The following FKBP2 variants were observed in gnomAD, a reference collection of about 807,000 sequenced individuals.
FKBP2 encodes the protein FKBP prolyl isomerase 2, also known as peptidyl-prolyl cis-trans isomerase FKBP2.
FKBP2 carries 15 observed loss-of-function variants against 19.4 expected under a neutral mutation model. The ratio of observed to expected loss-of-function variants is 0.77; its 90% CI spans 0.52 to 1.19. The LOEUF is 1.19. Among genes scored for constraint, FKBP2 ranks in the 50% most tolerant of loss-of-function variants. The probability of loss-of-function intolerance (pLI) is 0.00; values close to 1 mark genes in which losing one functional copy is unlikely to be tolerated. For missense variants in FKBP2, 170 were observed against 179.0 expected (o/e 0.95, Z 0.29); for synonymous variants, 76 against 74.8 (o/e 1.02, Z -0.08).
intron 1 of FKBP2, among the ~76,000 whole-genome samples, chr11:64,241,428 A>T (rs1199319456): frequency 1.4e-5 from 2 of 146,972 alleles, no homozygotes; most frequent in Non-Finnish European, 3.0e-5. Flanking sequence ...GGGTCGGGGG[A>T]CGGAGCCTGG....
At chr11:64,243,595 T>C in intron 4 of FKBP2, 98 bp downstream of exon 4, 1 of 1,449,916 alleles carries the variant, frequency 6.9e-7, no homozygotes, top group African/African-American at 1.4e-5. Context: ...ACCGTATCCA[T>C]TCATTACAAT....
At position 64,243,237 on chromosome 11, in the gene FKBP2, G is replaced by A; in HGVS notation, c.210G>A (p.Leu70=). 12 of 1,613,694 alleles carry A rather than the reference G, an allele frequency of 7.4e-6. No individual in the cohort carries two copies. Among genetic ancestry groups the A allele is most frequent in the Non-Finnish European group, 1.0e-5 (12 of 1,179,934 alleles). The part of the protein sequence containing the change: ...LEDGTEFDSS[L]PQNQPFVFSL... ...ATGGGACAGAGTTTGACAGCAGCCT[G>A]CCCCAGAACCAGCCCTTTGTCTTCT... The change falls in exon 3 of 6, where the codon CTG becomes CTA. Residue 70 remains leucine (L), a synonymous_variant. Coordinates refer to ENST00000309366, the MANE Select transcript of FKBP2 (RefSeq NM_004470.4).
rs654573 is a variant in FKBP2 at position 64,243,969 on chromosome 11, T to C, written c.369T>C (p.Gly123=). 1 allele frequency: 1,608,672 copies of C among 1,614,016 alleles called. 801,818 individuals are homozygous for C. Among genetic ancestry groups the C allele is most frequent in the Non-Finnish European group, 1 (1,179,966 of 1,180,006 alleles). ...TTTGACTCCCCTTCTCCCCTACAGG[T>C]GGTGCAACCCTGGTGTTCGAGGTGG... The part of the protein sequence containing the change: ...GERGAPPKIP[G]GATLVFEVEL... Residue 123 remains glycine, a splice_region_variant and synonymous_variant, in exon 6 of 6, where the codon GGT becomes GGC. Transcript: ENST00000309366.
intron 3 of FKBP2, 34 bp downstream of exon 3, chr11:64,243,345 GC>G: frequency 1.3e-6 from 2 of 1,598,498 alleles, no homozygotes; most frequent in Non-Finnish European, 1.7e-6. Flanking sequence ...GGGAGTGGGG[GC>G]GTGCATGGCC....
Position 64,243,440 on chromosome 11 carries a change from T to A in FKBP2, c.285-11T>A. 2 of 1,614,022 alleles carry A rather than the reference T, an allele frequency of 1.2e-6. No individual in the cohort carries two copies. Among genetic ancestry groups the A allele is most frequent in the South Asian group, 1.1e-5 (1 of 91,074 alleles). On this transcript the variant is annotated splice_polypyrimidine_tract_variant and intron_variant, in intron 3 of 5. Transcript: ENST00000309366. ...GGTGCTGCCATGGGCTGAGCATGTG[T>A]CTTCCTGCAGGATGTGTGAGGGGGA...
intron 4 of FKBP2, 26 bp from the exon 5 acceptor site, chr11:64,243,815 A>G (rs765171369): frequency 6.2e-7 from 1 of 1,613,796 alleles, no homozygotes; most frequent in South Asian, 1.1e-5. Context: ...GCCATCACTG[A>G]CTGTTTCTTT....
chr11:64,242,363 G>A (rs756495036), intron 1 of FKBP2, 21 bp from the exon 2 acceptor site: 8 of 1,477,010 alleles, frequency 5.4e-6, no homozygotes, highest in Non-Finnish European at 7.2e-6. Context: ...TCAGTCGGTC[G>A]GTCGGGGTCT....
Position 64,243,517 on chromosome 11 carries a change from G to A in FKBP2, c.331+20G>A, listed in dbSNP as rs966547682. ...AGCTAGGTAAGAGGCCCCTCCTGAG[G>A]GTGCAGAGCGAGTTTGGGGTGTGTG... On this transcript the variant is annotated intron_variant, in intron 4 of 5. Coordinates refer to ENST00000309366, the MANE Select transcript of FKBP2 (RefSeq NM_004470.4). 3 of 1,613,038 alleles carry A rather than the reference G, an allele frequency of 1.9e-6. No individual in the cohort carries two copies. Among genetic ancestry groups the A allele is most frequent in the Non-Finnish European group, 2.5e-6 (3 of 1,180,004 alleles).
chr11:64,243,649 G>A, intron 4 of FKBP2, 152 bp downstream of exon 4: 3 of 1,193,192 alleles, frequency 2.5e-6, no homozygotes, highest in Non-Finnish European at 3.7e-6. Context: ...GTGAGTACAG[G>A]GCAAGATCAT....
intron 1 of FKBP2, chr11:64,241,653 C>T (rs1378647141): frequency 3.3e-5 from 5 of 152,568 alleles, no homozygotes; most frequent in Admixed American, 3.3e-4. Flanking sequence ...AGTGAGGAGC[C>T]TGGCCCGAGT....
chr11:64,244,099 A>C lies in FKBP2; in HGVS notation c.*70A>C. On this transcript the variant is annotated 3_prime_UTR_variant, in exon 6 of 6. Transcript: ENST00000309366. ...GACTGTTCCAAAAAAAAAACAAAAA[A>C]CAAAAACAAACAAAAAAACACTTAA... is the stretch of plus-strand genomic sequence containing the variant. 6 of 1,533,000 alleles carry C rather than the reference A, an allele frequency of 3.9e-6. No individual in the cohort carries two copies. The highest frequency in any genetic ancestry group is 4.5e-6 in the Non-Finnish European group (5 of 1,120,302). The allele number at this position is 1,533,000 out of a possible 1,614,324, so 95.0% of individuals were successfully genotyped here.
intron 4 of FKBP2, 101 bp downstream of exon 4, chr11:64,243,598 A>G: frequency 1.4e-6 from 2 of 1,426,732 alleles, no homozygotes; most frequent in Non-Finnish European, 2.0e-6. Flanking sequence ...GTATCCATTC[A>G]TTACAATACA....
In FKBP2 at chr11:64,242,578, CT is replaced by C. The variant is rs765853535; in HGVS notation, c.171+24del. On this transcript the variant is annotated intron_variant, in intron 2 of 5. Coordinates refer to ENST00000309366, the MANE Select transcript of FKBP2 (RefSeq NM_004470.4). Reference sequence around the variant, plus strand: ...TACACGGTGAGTGGGTTGGGCGGGCCTTTTGGGAGTGGGTGGGGCTTCCGAG... The same window carrying C: ...TACACGGTGAGTGGGTTGGGCGGGCCTTTGGGAGTGGGTGGGGCTTCCGAG... 6 of 1,524,996 alleles carry C rather than the reference CT, an allele frequency of 3.9e-6. No individual in the cohort carries two copies. Among genetic ancestry groups the C allele is most frequent in the African/African-American group, 1.5e-5 (1 of 68,920 alleles). 94.5% of individuals were successfully genotyped at this position (1,524,996 alleles called of 1,614,324 possible).
intron 2 of FKBP2, 118 bp from the exon 3 acceptor site, chr11:64,243,081 G>T: frequency 1.2e-6 from 1 of 862,702 alleles, no homozygotes; most frequent in South Asian, 1.5e-5. Flanking sequence ...AAACAAAAAG[G>T]ACTGACCACC....
chr11:64,243,222 G>A lies in FKBP2; in HGVS notation c.195G>A (p.Glu65=). Reference sequence around the variant, plus strand: ...AGGGGAAGCTGGAAGATGGGACAGAGTTTGACAGCAGCCTGCCCCAGAACC... The same window carrying A: ...AGGGGAAGCTGGAAGATGGGACAGAATTTGACAGCAGCCTGCCCCAGAACC... The part of the protein sequence containing the change: ...HYTGKLEDGT[E]FDSSLPQNQP... The change falls in exon 3 of 6, where the codon GAG becomes GAA. Residue 65 remains glutamate, a synonymous_variant. Coordinates refer to ENST00000309366, the MANE Select transcript of FKBP2 (RefSeq NM_004470.4). 2 of 1,613,772 alleles carry A rather than the reference G, an allele frequency of 1.2e-6. No homozygotes were observed. The highest frequency in any genetic ancestry group is 1.7e-6 in the Non-Finnish European group (2 of 1,179,978).
At chr11:64,242,609 A>T in intron 2 of FKBP2, 51 bp downstream of exon 2, 1 of 1,512,784 alleles carries the variant, frequency 6.6e-7, no homozygotes, top group South Asian at 1.3e-5. Context: ...TCCGAGGACC[A>T]GAGAGTGCTT....
chr11:64,243,360 G>A (rs772215357), intron 3 of FKBP2, 49 bp downstream of exon 3: 15 of 1,600,558 alleles, frequency 9.4e-6, no homozygotes, highest in African/African-American at 2.7e-5. Context: ...CATGGCCACC[G>A]CCCAGGAGGT....
intron 2 of FKBP2, 27 bp from the exon 3 acceptor site, chr11:64,243,172 C>T (rs756688482): frequency 1.2e-6 from 2 of 1,608,062 alleles, no homozygotes; most frequent in South Asian, 1.1e-5. Context: ...TCCCCTCTTC[C>T]TCACTGGCCT....
Position 64,242,529 on chromosome 11 carries a change from A to C in FKBP2, c.142A>C (p.Lys48Gln). ...GGACCACTGTCCCATCAAATCGCGC[A>C]AAGGGGATGTCCTGCACATGCACTA... ...RVDHCPIKSRKGDVLHMHYTG... is the reference protein window; with the variant it reads ...RVDHCPIKSRQGDVLHMHYTG... The change falls in exon 2 of 6, where the codon AAA becomes CAA. Residue 48 changes from lysine to glutamine, a missense_variant. By Grantham distance (53) the Lys-to-Gln change is moderately conservative. Transcript: ENST00000309366. 6.4e-7 allele frequency: 1 copy of C among 1,553,206 alleles called. No homozygotes were observed. The highest frequency in any genetic ancestry group is 8.7e-7 in the Non-Finnish European group (1 of 1,155,930).
Sources: allele counts gnomAD v4.1 joint callset (sites outside exome capture counted in the v4.1 genomes callset), GRCh38; gene constraint gnomAD v4.1.1; transcripts MANE v1.5; gene names NCBI Gene and HGNC (gene_info 2026-07-23, HGNC 2026-07-21).